SERPINB12: variants seen among roughly 807,000 people sequenced by gnomAD.
SERPINB12 encodes the protein serpin family B member 12, also known as serpin B12.
SERPINB12 carries 57 observed loss-of-function variants against 41.1 expected under a neutral mutation model. That is an observed-to-expected ratio of 1.39 (90% CI 1.12 to 1.73). The LOEUF is 1.73. Ranked by LOEUF, SERPINB12 falls within the 40% of genes most tolerant of loss-of-function variation. SERPINB12 has a pLI of 0.00. For missense variants in SERPINB12, 536 were observed against 501.9 expected (o/e 1.07, Z -0.65); for synonymous variants, 180 against 181.3 (o/e 0.99, Z 0.06).
Position 63,559,596 on chromosome 18 carries a change from G to C in SERPINB12, c.322G>C (p.Glu108Gln), listed in dbSNP as rs1462065840. ...LDQQAGSLNN[E>Q]SGLVSCYFGQ... ...TCCTTAGGCTGGGTCCTTAAACAATGAGAGCGGACTGGTCAGCTGCTACTT... is the reference window on the plus strand; with the variant it reads ...TCCTTAGGCTGGGTCCTTAAACAATCAGAGCGGACTGGTCAGCTGCTACTT... The change falls in exon 4 of 8, where the codon GAG (glutamate) becomes CAG (glutamine). Residue 108 changes from glutamate (E) to glutamine (Q), a missense_variant. Glu to Gln is a conservative substitution (Grantham distance 29). Coordinates refer to ENST00000382768, the MANE Select transcript of SERPINB12 (RefSeq NM_001307928.2). 1 of 1,614,042 alleles carries C rather than the reference G, an allele frequency of 6.2e-7. No homozygotes were observed. The highest frequency in any genetic ancestry group is 2.2e-5 in the East Asian group (1 of 44,880).
At chr18:63,529,876 A>T in the SERPINB12 span, among the ~76,000 whole-genome samples, 1 of 152,176 alleles carries the variant, frequency 6.6e-6, no homozygotes, top group African/African-American at 2.4e-5. Flanking sequence ...AACTCTTATT[A>T]ATCATCTTAC....
chr18:63,540,818 T>C (rs1318089829), upstream of SERPINB12, among the ~76,000 whole-genome samples: 1 of 152,176 alleles, frequency 6.6e-6, no homozygotes, highest in Non-Finnish European at 1.5e-5. Context: ...ATTAACATAG[T>C]CACTCAAATA....
At chr18:63,558,319 T>G in intron 2 of SERPINB12, 33 bp from the exon 3 acceptor site, 2 of 1,595,610 alleles carry the variant, frequency 1.3e-6, no homozygotes, top group Non-Finnish European at 1.7e-6. Flanking sequence ...TCTGTTCATA[T>G]TATCTGAAAG....
rs903604849 is a variant in SERPINB12, at chr18:63,567,367, A to G, written c.*356A>G. Among the ~76,000 whole-genome samples, 1 of 152,202 alleles carries G rather than the reference A, an allele frequency of 6.6e-6. No individual in the cohort carries two copies. The highest frequency in any genetic ancestry group is 2.4e-5 in the African/African-American group (1 of 41,448). On this transcript the variant is annotated 3_prime_UTR_variant, in exon 8 of 8. Coordinates refer to ENST00000382768, the MANE Select transcript of SERPINB12 (RefSeq NM_001307928.2). ...TGGCAAACTCAGAAGCCACTTTAAC[A>G]TGGGCAGCAAGAGAACATGTTTGAC...
chr18:63,535,968 A>G, the SERPINB12 span, among the ~76,000 whole-genome samples: 1 of 152,066 alleles, frequency 6.6e-6, no homozygotes, highest in Non-Finnish European at 1.5e-5. Context: ...AAGTTGCTAT[A>G]TATGTGTGTA....
At chr18:63,538,821 G>C (rs1012318110), upstream of SERPINB12, among the ~76,000 whole-genome samples, 1 of 152,088 alleles carries the variant, frequency 6.6e-6, no homozygotes, top group Non-Finnish European at 1.5e-5. Context: ...TATATATGAT[G>C]GTTCCAATTT....
the SERPINB12 span, among the ~76,000 whole-genome samples, chr18:63,527,967 G>T: frequency 6.6e-6 from 1 of 151,832 alleles, no homozygotes; most frequent in East Asian, 1.9e-4. Flanking sequence ...AGATCTGATG[G>T]TTTTATACGG....
chr18:63,525,144 A>G, the SERPINB12 span, among the ~76,000 whole-genome samples: 1 of 152,138 alleles, frequency 6.6e-6, no homozygotes, highest in Non-Finnish European at 1.5e-5. Flanking sequence ...TCACATGCTT[A>G]CTGGTTTTTT....
chr18:63,543,386 GT>G (rs1486836767), intron 1 of SERPINB12, among the ~76,000 whole-genome samples: 1 of 152,104 alleles, frequency 6.6e-6, no homozygotes, highest in African/African-American at 2.4e-5. Context: ...TTCTGAAGGA[GT>G]GATAATGTAG....
rs1599432476 is a variant in SERPINB12 at position 63,568,675 on chromosome 18, A to G, written c.*1664A>G. On this transcript the variant is annotated 3_prime_UTR_variant, in exon 8 of 8. Coordinates refer to ENST00000382768, the MANE Select transcript of SERPINB12 (RefSeq NM_001307928.2). ...GCTTGCGGCTCAGTTTCCTTGGCCC[A>G]CCTTGTGGCTGTCCTCCTCCCAGCT... is the stretch of plus-strand genomic sequence containing the variant. Among the ~76,000 whole-genome samples, 1 of 152,024 alleles carries G rather than the reference A, an allele frequency of 6.6e-6. No individual in the cohort carries two copies. Among genetic ancestry groups the G allele is most frequent in the Non-Finnish European group, 1.5e-5 (1 of 68,014 alleles).
At chr18:63,538,858 T>C (rs968483188), upstream of SERPINB12, among the ~76,000 whole-genome samples, 1 of 152,228 alleles carries the variant, frequency 6.6e-6, no homozygotes, top group African/African-American at 2.4e-5. Context: ...AGACTTGTTA[T>C]TGTCTGTTTT....
At chr18:63,561,030 C>T (rs1291198585) in intron 4 of SERPINB12, 55 bp from the exon 5 acceptor site, 31 of 1,153,052 alleles carry the variant, frequency 2.7e-5, no homozygotes, top group East Asian at 1.7e-4. Context: ...CTCCTAACTA[C>T]GAGCATCACT....
upstream of SERPINB12, among the ~76,000 whole-genome samples, chr18:63,537,741 G>A (rs1217556557): frequency 1.3e-5 from 2 of 152,166 alleles, no homozygotes; most frequent in South Asian, 2.1e-4. Flanking sequence ...TTCATGGTTT[G>A]AAAAAACTCA....
rs1911192370 is a variant in SERPINB12, at chr18:63,568,611, G to A, written c.*1600G>A. ...GACACGTCCAACTCACATCTCTTTG[G>A]AGTCAGTCTCTTTCCTATCGAGGTG... On this transcript the variant is annotated 3_prime_UTR_variant, in exon 8 of 8. Transcript: ENST00000382768. Among the ~76,000 whole-genome samples the A allele has an allele frequency of 1.3e-5, 2 of 152,124 alleles. No homozygotes were observed. The highest frequency in any genetic ancestry group is 1.3e-4 in the Admixed American group (2 of 15,278).
At chr18:63,525,038 T>G in the SERPINB12 span, among the ~76,000 whole-genome samples, 11 of 152,314 alleles carry the variant, frequency 7.2e-5, no homozygotes, top group South Asian at 2.3e-3. Context: ...CGTGAGCTAC[T>G]GTGCCTGGCC....
chr18:63,554,546 A>T (rs1229668826), intron 1 of SERPINB12, among the ~76,000 whole-genome samples: 1 of 152,232 alleles, frequency 6.6e-6, no homozygotes, highest in Non-Finnish European at 1.5e-5. Flanking sequence ...GAGGATTTAC[A>T]TTTCTATCTT....
At chr18:63,522,900 T>G in the SERPINB12 span, among the ~76,000 whole-genome samples, 2 of 152,274 alleles carry the variant, frequency 1.3e-5, no homozygotes, top group South Asian at 2.1e-4. Flanking sequence ...TTTTAAGGAA[T>G]TTTGAATCAC....
chr18:63,522,832 ATT>A, the SERPINB12 span, among the ~76,000 whole-genome samples: 2 of 150,300 alleles, frequency 1.3e-5, no homozygotes, highest in Admixed American at 6.6e-5. Context: ...TTGATAAGAA[ATT>A]TTTTTTTTGT....
chr18:63,556,338 A>G lies in SERPINB12; in HGVS notation c.168+11A>G, dbSNP rs1029797439. 5 of 1,612,228 alleles carry G rather than the reference A, an allele frequency of 3.1e-6. No individual in the cohort carries two copies. The Admixed American group carries it at 5.0e-5, about 16-fold the overall frequency. On this transcript the variant is annotated intron_variant, in intron 2 of 7. Coordinates refer to ENST00000382768, the MANE Select transcript of SERPINB12 (RefSeq NM_001307928.2). ...CATCAGATTGATGAGGTACGTGTCC[A>G]CTAGGGTGCTACACAGGGTCCTAAA...
Sources: gnomAD v4.1 joint callset for allele counts (sites outside exome capture counted in the v4.1 genomes callset) on GRCh38, gnomAD v4.1.1 for gene constraint, MANE v1.5 for transcripts, NCBI Gene and HGNC (gene_info 2026-07-23, HGNC 2026-07-21) for gene names.